Variants in BMPR2 observed in about 807,000 individuals in gnomAD.
BMPR2 encodes the protein bone morphogenetic protein receptor type-2.
In BMPR2, 29 loss-of-function variants were observed where a neutral mutation model predicts 100.8. That is an observed-to-expected ratio of 0.29 (90% confidence interval 0.21 to 0.39). BMPR2 has a LOEUF of 0.39. BMPR2 is among the 10% of genes least tolerant of loss of function. The pLI is 1.00. For missense variants in BMPR2, 1,011 were observed against 1,274.5 expected, an observed-to-expected ratio of 0.79 and a Z score of 3.15; for synonymous variants, 382 against 442.3, an observed-to-expected ratio of 0.86 and a Z score of 1.71.
chr2:202,536,183 G>A (rs1439255344), intron 9 of BMPR2, among the ~76,000 whole-genome samples: 1 of 152,142 alleles, frequency 6.6e-6, no homozygotes, highest in Admixed American at 6.5e-5. Flanking sequence ...TGTGATCACA[G>A]CTCACTGCAG....
chr2:202,499,921 G>C (rs1185906781), intron 3 of BMPR2, among the ~76,000 whole-genome samples: 2 of 152,190 alleles, frequency 1.3e-5, no homozygotes, highest in Non-Finnish European at 2.9e-5. Flanking sequence ...GGTAGGTCTT[G>C]TTATCAGTAT....
rs188384729 is a variant in BMPR2 at position 202,520,484 on chromosome 2, A to G, written c.967+283A>G. 584 of 459,202 alleles carry G rather than the reference A, an allele frequency of 1.3e-3. 2 individuals carry two copies. Among genetic ancestry groups the G allele is most frequent in the Middle Eastern group, 5.7e-3 (9 of 1,578 alleles). The allele number at this position is 459,202 out of a possible 1,614,324, so 28.4% of individuals were successfully genotyped here. A position where few individuals can be genotyped will look rare whatever the true frequency, so the allele number is the denominator to read the frequency against. ...TGACCCAGCAGAGAAAGTAGTGGTCATGTCCTGTGAGGACATCAACATTTC... is the reference window on the plus strand; with the variant it reads ...TGACCCAGCAGAGAAAGTAGTGGTCGTGTCCTGTGAGGACATCAACATTTC... On this transcript the variant is annotated intron_variant, in intron 7 of 12. Transcript: ENST00000374580.
At chr2:202,397,104 G>C (rs1690670803) in intron 1 of BMPR2, among the ~76,000 whole-genome samples, 2 of 152,120 alleles carry the variant, frequency 1.3e-5, no homozygotes, top group Admixed American at 1.3e-4. Flanking sequence ...GCCTGAGCAA[G>C]AAACTTTTTA....
rs115106003 is a variant in BMPR2, at chr2:202,471,251, A to G, written c.418+3562A>G. On this transcript the variant is annotated intron_variant, in intron 3 of 12. Coordinates refer to ENST00000374580, the MANE Select transcript of BMPR2 (RefSeq NM_001204.7). Reference sequence around the variant, plus strand: ...ATCATGAGTAGAATGTCAAGTGCCAACTGGTAAATGTAGGATTGCTGGAGT... The same window carrying G: ...ATCATGAGTAGAATGTCAAGTGCCAGCTGGTAAATGTAGGATTGCTGGAGT... 6.3e-3 allele frequency among the ~76,000 whole-genome samples: 957 copies of G among 152,296 alleles called. 13 individuals carry two copies. Among genetic ancestry groups the G allele is most frequent in the African/African-American group, 0.021 (893 of 41,566 alleles).
rs967828944 is a variant in BMPR2, at chr2:202,509,484, T to C, written c.419-4235T>C. The stretch of plus-strand genomic sequence containing the variant: ...TTTCTATTTTGTAATAAAAGCTTGA[T>C]AAAATACACATTAGTTAGCTATATG... On this transcript the variant is annotated intron_variant, in intron 3 of 12. Transcript: ENST00000374580. Among the ~76,000 whole-genome samples, 137 of 152,006 alleles carry C rather than the reference T, an allele frequency of 9.0e-4. 1 individual carries two copies. The highest frequency in any genetic ancestry group is 3.1e-3 in the African/African-American group (129 of 41,552).
At chr2:202,417,681 G>C (rs1331012738) in intron 1 of BMPR2, among the ~76,000 whole-genome samples, 1 of 151,636 alleles carries the variant, frequency 6.6e-6, no homozygotes, top group Non-Finnish European at 1.5e-5. Flanking sequence ...CCCAAGGCAG[G>C]AGTGCAGGGG....
chr2:202,451,691 C>T (rs1691988917), intron 1 of BMPR2, among the ~76,000 whole-genome samples: 1 of 152,164 alleles, frequency 6.6e-6, no homozygotes, highest in South Asian at 2.1e-4. Context: ...AAGAACGAGA[C>T]TCTGTCTCAA....
chr2:202,377,446 TG>T lies in BMPR2; in HGVS notation c.-28del. The stretch of plus-strand genomic sequence containing the variant: ...GTCTACTTCCCATATTTCTTTTCTT[TG>T]CCCTCCTGATTCTTGGCTGGCCCAG... On this transcript the variant is annotated 5_prime_UTR_variant, in exon 1 of 13. Coordinates refer to ENST00000374580, the MANE Select transcript of BMPR2 (RefSeq NM_001204.7). The T allele has an allele frequency of 6.2e-7, 1 of 1,612,580 alleles. No homozygotes were observed. The highest frequency in any genetic ancestry group is 1.1e-5 in the South Asian group (1 of 91,046).
chr2:202,525,368 T>G (rs1241328788), intron 7 of BMPR2, among the ~76,000 whole-genome samples: 2 of 151,976 alleles, frequency 1.3e-5, no homozygotes, highest in African/African-American at 4.8e-5. Flanking sequence ...AGCTAATTTT[T>G]GTATTTTTAG....
At chr2:202,437,075 G>A (rs919265524) in intron 1 of BMPR2, among the ~76,000 whole-genome samples, 5 of 150,332 alleles carry the variant, frequency 3.3e-5, no homozygotes, top group Non-Finnish European at 2.9e-5. Flanking sequence ...GCGTGATCTC[G>A]GCTCACTGCA....
chr2:202,521,730 G>A (rs1047541458), intron 7 of BMPR2, among the ~76,000 whole-genome samples: 2 of 152,070 alleles, frequency 1.3e-5, no homozygotes, highest in African/African-American at 4.8e-5. Context: ...TGTTGTACAG[G>A]GTATTTATGG....
chr2:202,459,966 T>G (rs1185420501), intron 1 of BMPR2, among the ~76,000 whole-genome samples: 1 of 152,082 alleles, frequency 6.6e-6, no homozygotes, highest in East Asian at 1.9e-4. Flanking sequence ...TAGATAGTTT[T>G]CAAAAGAAGA....
Position 202,495,023 on chromosome 2 carries a change from T to C in BMPR2, c.419-18696T>C, listed in dbSNP as rs1253385562. On this transcript the variant is annotated intron_variant, in intron 3 of 12. Transcript: ENST00000374580. The surrounding 1 kb of genome is among the most constrained non-coding windows in gnomAD (Gnocchi z 4.5). Reference sequence around the variant, plus strand: ...GGGGACCATACAGACAGGTAGGCTGTGGGGCTCCGACCTCACAACAGTGTC... The same window carrying C: ...GGGGACCATACAGACAGGTAGGCTGCGGGGCTCCGACCTCACAACAGTGTC... Among the ~76,000 whole-genome samples the C allele has an allele frequency of 1.3e-5, 2 of 152,214 alleles. No homozygotes were observed. Among genetic ancestry groups the C allele is most frequent in the Non-Finnish European group, 2.9e-5 (2 of 68,048 alleles).
At chr2:202,493,982 G>A (rs1484021899) in intron 3 of BMPR2, among the ~76,000 whole-genome samples, 3 of 152,028 alleles carry the variant, frequency 2.0e-5, no homozygotes, top group Non-Finnish European at 2.9e-5. Flanking sequence ...TTAACTACTT[G>A]TTTGAAAAAA....
At chr2:202,469,266 G>A (rs929026595) in intron 3 of BMPR2, among the ~76,000 whole-genome samples, 3 of 152,072 alleles carry the variant, frequency 2.0e-5, no homozygotes, top group Admixed American at 1.3e-4. Flanking sequence ...GACCTCAGGT[G>A]ATCCACCTGC....
chr2:202,419,900 G>A (rs960702528), intron 1 of BMPR2, among the ~76,000 whole-genome samples: 4 of 152,110 alleles, frequency 2.6e-5, no homozygotes, highest in African/African-American at 9.7e-5. Flanking sequence ...TGTAATACGC[G>A]CACTTTGGGT....
At chr2:202,482,843 C>T (rs886189629) in intron 3 of BMPR2, among the ~76,000 whole-genome samples, 5 of 151,786 alleles carry the variant, frequency 3.3e-5, no homozygotes, top group Admixed American at 2.6e-4. Flanking sequence ...CCGGCTGCTA[C>T]CTGGCTAATT....
intron 1 of BMPR2, among the ~76,000 whole-genome samples, chr2:202,434,490 G>A (rs1030421690): frequency 6.0e-5 from 9 of 150,432 alleles, no homozygotes; most frequent in Non-Finnish European, 1.3e-4. Flanking sequence ...TTGTTAAAGA[G>A]TCCTTCTCCA....
chr2:202,454,664 C>T (rs1692055783), intron 1 of BMPR2, among the ~76,000 whole-genome samples: 2 of 152,248 alleles, frequency 1.3e-5, no homozygotes, highest in Admixed American at 6.5e-5. Context: ...GAACAATTTA[C>T]AGTTGTGCTT....
Sources: allele counts gnomAD v4.1 joint callset (sites outside exome capture counted in the v4.1 genomes callset), GRCh38; gene constraint gnomAD v4.1.1; non-coding constraint Gnocchi (gnomAD v3.1); transcripts MANE v1.5; gene names NCBI Gene and HGNC (gene_info 2026-07-23, HGNC 2026-07-21).